Variants in ADAMTS3 observed in about 807,000 individuals in gnomAD.
ADAMTS3 encodes A disintegrin and metalloproteinase with thrombospondin motifs 3.
Under a neutral mutation model 129.0 loss-of-function variants are expected in ADAMTS3, and 73 were observed. That is an observed-to-expected ratio of 0.57 (90% CI 0.47 to 0.69). The LOEUF (loss-of-function observed/expected upper bound fraction) is 0.69. Ranked by LOEUF, ADAMTS3 falls within the 30% of genes least tolerant of loss-of-function variation. The pLI is 0.00. For synonymous variants in ADAMTS3, 477 were observed against 510.8 expected (o/e 0.93, Z 0.89); for missense variants, 1,457 against 1,514.5 (o/e 0.96, Z 0.63).
At chr4:72,335,618 T>G (rs1015131197) in intron 5 of ADAMTS3, among the ~76,000 whole-genome samples, 1 of 152,176 alleles carries the variant, frequency 6.6e-6, no homozygotes, top group Non-Finnish European at 1.5e-5. Context: ...TATCATTACT[T>G]GAGACTGTTT....
chr4:72,349,107 G>T (rs757746579), intron 4 of ADAMTS3, among the ~76,000 whole-genome samples: 1 of 152,082 alleles, frequency 6.6e-6, no homozygotes, highest in Middle Eastern at 3.4e-3. Context: ...AGAGAACTGA[G>T]TTCTAGTTCC....
At position 72,283,334 on chromosome 4, in the gene ADAMTS3, C is replaced by A. The variant is rs1350793756; in HGVS notation, c.3420G>T (p.Lys1140Asn). The A allele has an allele frequency of 6.2e-7, 1 of 1,613,870 alleles. No individual in the cohort carries two copies. The highest frequency in any genetic ancestry group is 8.5e-7 in the Non-Finnish European group (1 of 1,179,822). Residue 1140 changes from lysine to asparagine, a missense_variant, in exon 22 of 22, where the codon AAG (lysine) becomes AAT (asparagine). Physicochemically the swap from Lys to Asn is moderately conservative, Grantham distance 94 (BLOSUM62 0). Transcript: ENST00000286657. ...ATGGTACGGTGACCAGTCTCACAGTCTTACTTCCTGCTTGCTGAGCACTCC... is the reference window on the plus strand; with the variant it reads ...ATGGTACGGTGACCAGTCTCACAGTATTACTTCCTGCTTGCTGAGCACTCC... ...RQRSAQQAGS[K>N]TVRLVTVPSS...
chr4:72,361,478 C>T (rs1003655176), intron 4 of ADAMTS3, among the ~76,000 whole-genome samples: 3 of 152,056 alleles, frequency 2.0e-5, no homozygotes, highest in African/African-American at 7.2e-5. Flanking sequence ...AGAGGGTCTT[C>T]TGGTAACAAG....
In ADAMTS3 at chr4:72,312,477, G is replaced by A. The variant is rs1553905428; in HGVS notation, c.1746-11C>T. 2 of 1,612,398 alleles carry A rather than the reference G, an allele frequency of 1.2e-6. No homozygotes were observed. The highest frequency in any genetic ancestry group is 2.2e-5 in the South Asian group (2 of 90,988). On this transcript the variant is annotated splice_polypyrimidine_tract_variant and intron_variant, in intron 12 of 21. Transcript: ENST00000286657. ...CCACCATTGATGGGCCTAAAGAAAAGACAACATTTAAAAAGGCCTTTTGGC... is the reference window on the plus strand; with the variant it reads ...CCACCATTGATGGGCCTAAAGAAAAAACAACATTTAAAAAGGCCTTTTGGC...
At chr4:72,468,407 T>C (rs751027277) in intron 3 of ADAMTS3, among the ~76,000 whole-genome samples, 48 of 152,062 alleles carry the variant, frequency 3.2e-4, no homozygotes, top group Non-Finnish European at 6.6e-4. Flanking sequence ...GCAAATATCA[T>C]GCAAACATTA....
intron 3 of ADAMTS3, among the ~76,000 whole-genome samples, chr4:72,540,598 A>G (rs891840551): frequency 1.3e-5 from 2 of 152,094 alleles, no homozygotes; most frequent in Non-Finnish European, 2.9e-5. Flanking sequence ...ACCATCACAC[A>G]CCCGGAGGTC....
chr4:72,509,173 G>GA (rs943712418), intron 3 of ADAMTS3, among the ~76,000 whole-genome samples: 3 of 149,394 alleles, frequency 2.0e-5, no homozygotes, highest in Non-Finnish European at 4.5e-5. Flanking sequence ...TCAAAAAAGA[G>GA]AAAAAATTTT....
chr4:72,379,428 A>AAAC (rs1467727261), intron 4 of ADAMTS3, among the ~76,000 whole-genome samples: 1 of 119,344 alleles, frequency 8.4e-6, no homozygotes, highest in Non-Finnish European at 1.7e-5. Flanking sequence ...TGTAGTAAAT[A>AAAC]AACAGTTTGA....
chr4:72,477,296 G>C (rs1719264977), intron 3 of ADAMTS3, among the ~76,000 whole-genome samples: 1 of 152,040 alleles, frequency 6.6e-6, no homozygotes, highest in South Asian at 2.1e-4. Flanking sequence ...TGGAAGTAAA[G>C]CTCTCATCAG....
chr4:72,493,870 T>C lies in ADAMTS3; in HGVS notation c.504+54608A>G, dbSNP rs114817337. 8.3e-3 allele frequency among the ~76,000 whole-genome samples: 1,263 copies of C among 152,230 alleles called. 14 individuals carry two copies. Among genetic ancestry groups the C allele is most frequent in the African/African-American group, 0.029 (1,206 of 41,552 alleles). ...AAAGTATAGTATTATTGTGGAGTTT[T>C]TTTCTTTCAGAACTTTTAATATATC... On this transcript the variant is annotated intron_variant, in intron 3 of 21. Transcript: ENST00000286657.
At chr4:72,341,251 A>T (rs923157219) in intron 4 of ADAMTS3, among the ~76,000 whole-genome samples, 3 of 152,190 alleles carry the variant, frequency 2.0e-5, no homozygotes, top group Admixed American at 2.0e-4. Flanking sequence ...AAGTAGGGGG[A>T]CATGGTCTGA....
chr4:72,362,996 G>GACAGT (rs1225977509), intron 4 of ADAMTS3, among the ~76,000 whole-genome samples: 3 of 152,040 alleles, frequency 2.0e-5, no homozygotes, highest in African/African-American at 7.2e-5. Flanking sequence ...GTATATGAAT[G>GACAGT]ACAGTAACAG....
intron 19 of ADAMTS3, among the ~76,000 whole-genome samples, chr4:72,293,958 G>T (rs1718742260): frequency 6.6e-6 from 1 of 151,992 alleles, no homozygotes; most frequent in African/African-American, 2.4e-5. Context: ...AAAATGAAAG[G>T]TTCGGCAAGT....
chr4:72,388,897 C>A (rs766240979), intron 4 of ADAMTS3, among the ~76,000 whole-genome samples: 2 of 152,198 alleles, frequency 1.3e-5, no homozygotes, highest in African/African-American at 4.8e-5. Context: ...TGGTGTCACA[C>A]AGAACACACC....
intron 4 of ADAMTS3, among the ~76,000 whole-genome samples, chr4:72,365,193 A>G (rs748618416): frequency 7.2e-5 from 11 of 152,238 alleles, no homozygotes; most frequent in Non-Finnish European, 1.3e-4. Context: ...GCCAGATATG[A>G]TCTTATAAAT....
chr4:72,373,017 CAATTTT>C (rs1426164642), intron 4 of ADAMTS3, among the ~76,000 whole-genome samples: 1 of 152,086 alleles, frequency 6.6e-6, no homozygotes, highest in Non-Finnish European at 1.5e-5. Context: ...TAATTCTCCT[CAATTTT>C]AATTTTATTT....
intron 17 of ADAMTS3, among the ~76,000 whole-genome samples, chr4:72,303,181 C>T (rs1446352077): frequency 6.6e-6 from 1 of 152,160 alleles, no homozygotes; most frequent in Non-Finnish European, 1.5e-5. Context: ...CACCTAGGCA[C>T]ATAAACCACC....
At chr4:72,539,800 T>C (rs1382053456) in intron 3 of ADAMTS3, among the ~76,000 whole-genome samples, 1 of 152,180 alleles carries the variant, frequency 6.6e-6, no homozygotes, top group Non-Finnish European at 1.5e-5. Flanking sequence ...AGCTCTCTCT[T>C]TGCTGCCATC....
At chr4:72,430,741 C>A (rs1560512875) in intron 3 of ADAMTS3, among the ~76,000 whole-genome samples, 4 of 150,596 alleles carry the variant, frequency 2.7e-5, no homozygotes, top group South Asian at 2.1e-4. Context: ...AGGAAAAAAA[C>A]CATACGTTAT....
Sources: allele counts gnomAD v4.1 joint callset (sites outside exome capture counted in the v4.1 genomes callset), GRCh38; gene constraint gnomAD v4.1.1; transcripts MANE v1.5; gene names NCBI Gene and HGNC (gene_info 2026-07-23, HGNC 2026-07-21).